Variants in ACACA observed in about 807,000 individuals in gnomAD.
ACACA encodes acetyl-CoA carboxylase alpha.
Under a neutral mutation model 296.1 loss-of-function variants are expected in ACACA, and 103 were observed. The ratio of observed to expected loss-of-function variants is 0.35; its 90% CI spans 0.30 to 0.41. The LOEUF (loss-of-function observed/expected upper bound fraction) is 0.41, where lower values mean the gene tolerates loss of function less well. Ranked by LOEUF, ACACA falls within the 10% of genes least tolerant of loss-of-function variation. The pLI is 1.00. For synonymous variants in ACACA, 953 were observed against 1,038.6 expected, an observed-to-expected ratio of 0.92 and a Z score of 1.58; for missense variants, 1,554 against 2,989.7, an observed-to-expected ratio of 0.52 and a Z score of 11.20.
At chr17:37,263,584 G>A (rs986783405) in intron 11 of ACACA, 101 bp downstream of exon 11, 6 of 1,018,200 alleles carry the variant, frequency 5.9e-6, no homozygotes, top group Non-Finnish European at 9.2e-6. Context: ...TAATTATTCA[G>A]AATCGTTGCT....
At chr17:37,362,398 T>TGAGA (rs2049436773) in intron 1 of ACACA, among the ~76,000 whole-genome samples, 1 of 152,176 alleles carries the variant, frequency 6.6e-6, no homozygotes, top group South Asian at 2.1e-4. Context: ...CAGAAAAGTA[T>TGAGA]GAGAGGTCCC....
intron 41 of ACACA, among the ~76,000 whole-genome samples, chr17:37,175,180 T>G (rs1484047057): frequency 6.6e-6 from 1 of 152,070 alleles, no homozygotes; most frequent in Non-Finnish European, 1.5e-5. Flanking sequence ...TAAAAAGAAA[T>G]AAAATAAAAG....
chr17:37,353,676 C>T (rs1490757089), intron 1 of ACACA, among the ~76,000 whole-genome samples: 3 of 131,392 alleles, frequency 2.3e-5, no homozygotes, highest in African/African-American at 8.2e-5. Context: ...GATAATTTTA[C>T]AGGAACTTCA....
Position 37,097,117 on chromosome 17 carries a change from C to T in ACACA, c.6770G>A (p.Arg2257Lys). Residue 2257 changes from arginine to lysine, a missense_variant, in exon 54 of 56, where the codon AGG (arginine) becomes AAG (lysine). Arg to Lys is a conservative substitution (Grantham distance 26, BLOSUM62 2). Around this residue, in one of 16 missense-constraint regions of ACACA, gnomAD observed 553 missense variants for 1,043.6 expected, o/e 0.53. Coordinates refer to ENST00000616317, the MANE Select transcript of ACACA (RefSeq NM_198834.3). The surrounding 1 kb of genome is among the most constrained non-coding windows in gnomAD (Gnocchi z 4.8). ...GACCAGGTCCTCCAGCAGAAGACGC[C>T]TCAGCCGCCAGTAGAAGAAGGTACG... ...TSRTFFYWRL[R>K]RLLLEDLVKK... 1 of 1,614,058 alleles carries T rather than the reference C, an allele frequency of 6.2e-7. No homozygotes were observed. The highest frequency in any genetic ancestry group is 8.5e-7 in the Non-Finnish European group (1 of 1,180,026).
intron 43 of ACACA, among the ~76,000 whole-genome samples, chr17:37,152,677 G>C (rs2076091469): frequency 1.3e-5 from 2 of 152,168 alleles, no homozygotes; most frequent in African/African-American, 4.8e-5. Context: ...GGAAATGGGA[G>C]ATGGGGAATG....
chr17:37,102,030 C>A (rs2073390247), intron 52 of ACACA, among the ~76,000 whole-genome samples: 1 of 151,906 alleles, frequency 6.6e-6, no homozygotes, highest in African/African-American at 2.4e-5. Context: ...CAGCTGTTAA[C>A]ACTGCTGCCA....
At position 37,253,672 on chromosome 17, in the gene ACACA, A is replaced by G. The variant is rs151063389; in HGVS notation, c.1827-636T>C. On this transcript the variant is annotated intron_variant, in intron 14 of 55. Coordinates refer to ENST00000616317, the MANE Select transcript of ACACA (RefSeq NM_198834.3). Reference sequence around the variant, plus strand: ...TGCAAGTCACCCTCAGCTTTTACTTACTAAGTTTCCATTATTCCATTCATT... The same window carrying G: ...TGCAAGTCACCCTCAGCTTTTACTTGCTAAGTTTCCATTATTCCATTCATT... Among the ~76,000 whole-genome samples the G allele has an allele frequency of 6.8e-3, 1,038 of 152,330 alleles. 11 individuals are homozygous for G. The highest frequency in any genetic ancestry group is 0.024 in the African/African-American group (990 of 41,564).
At chr17:37,320,454 T>C (rs2147113931) in intron 3 of ACACA, among the ~76,000 whole-genome samples, 1 of 148,500 alleles carries the variant, frequency 6.7e-6, no homozygotes, top group South Asian at 2.2e-4. Context: ...GAGGTTGCAG[T>C]GAGCCGAGAT....
chr17:37,300,742 G>A (rs1191681373), intron 3 of ACACA, among the ~76,000 whole-genome samples: 1 of 152,176 alleles, frequency 6.6e-6, no homozygotes, highest in Non-Finnish European at 1.5e-5. Context: ...AACTCAATCA[G>A]GCCACCCAAC....
At chr17:37,314,213 C>T (rs2046978695) in intron 3 of ACACA, among the ~76,000 whole-genome samples, 1 of 150,828 alleles carries the variant, frequency 6.6e-6, no homozygotes, top group African/African-American at 2.4e-5. Flanking sequence ...CACTATTCTG[C>T]CTCAGCCTCC....
chr17:37,398,057 C>T (rs534633600), intron 1 of ACACA, among the ~76,000 whole-genome samples: 2 of 151,882 alleles, frequency 1.3e-5, no homozygotes, highest in East Asian at 2.0e-4. Flanking sequence ...TGTGAAACCC[C>T]GTCTTTACTA....
At position 37,390,310 on chromosome 17, in the gene ACACA, A is replaced by AT. The variant is rs1380046957; in HGVS notation, c.38+15951dup. Among the ~76,000 whole-genome samples the AT allele has an allele frequency of 4.8e-4, 23 of 48,304 alleles. 7 individuals are homozygous for AT. The East Asian group carries it at 0.011, about 23-fold the overall frequency. 31.7% of individuals were successfully genotyped at this position (48,304 alleles called of 152,430 possible). A position where few individuals can be genotyped will look rare whatever the true frequency, so the allele number is the denominator to read the frequency against. ...AATTATATATTATACATAATTATAT[A>AT]TATATATATATATATATATATATAA... On this transcript the variant is annotated intron_variant, in intron 1 of 55. Transcript: ENST00000616317.
chr17:37,209,726 T>C (rs1427618429), intron 30 of ACACA, among the ~76,000 whole-genome samples: 2 of 152,230 alleles, frequency 1.3e-5, no homozygotes, highest in Non-Finnish European at 2.9e-5. Context: ...TGCAAAGACC[T>C]TGCCATCAAC....
intron 52 of ACACA, among the ~76,000 whole-genome samples, chr17:37,106,508 T>G (rs550378247): frequency 4.8e-4 from 73 of 152,280 alleles, no homozygotes; most frequent in African/African-American, 1.5e-3. Flanking sequence ...AGTGCTCTAC[T>G]GTTCATATTT....
At chr17:37,177,288 GT>G (rs2077155868) in intron 41 of ACACA, among the ~76,000 whole-genome samples, 3 of 151,824 alleles carry the variant, frequency 2.0e-5, no homozygotes, top group South Asian at 4.2e-4. Context: ...GTGTGTGTGT[GT>G]GTGTGTGTGT....
chr17:37,088,246 T>C (rs1338020658), intron 55 of ACACA, among the ~76,000 whole-genome samples: 1 of 152,202 alleles, frequency 6.6e-6, no homozygotes, highest in African/African-American at 2.4e-5. Context: ...ATGATGGTTA[T>C]GTAAAAGTAT....
intron 24 of ACACA, among the ~76,000 whole-genome samples, chr17:37,235,647 C>T (rs1487756649): frequency 1.3e-5 from 2 of 152,142 alleles, no homozygotes; most frequent in African/African-American, 4.8e-5. Context: ...AATAAAACCA[C>T]ACCAAACTTA....
intron 3 of ACACA, among the ~76,000 whole-genome samples, chr17:37,301,692 G>C (rs2083625194): frequency 6.6e-6 from 1 of 152,158 alleles, no homozygotes; most frequent in Non-Finnish European, 1.5e-5. Flanking sequence ...AATGCCACAT[G>C]GTCTTGATAA....
At chr17:37,248,474 G>T in intron 17 of ACACA, 119 bp downstream of exon 17, 1 of 832,550 alleles carries the variant, frequency 1.2e-6, no homozygotes, top group Non-Finnish European at 2.1e-6. Context: ...CAAAAATAAT[G>T]ACGGTAATTT....
Sources: allele counts gnomAD v4.1 joint callset (sites outside exome capture counted in the v4.1 genomes callset), GRCh38; gene constraint gnomAD v4.1.1; regional missense constraint gnomAD v4.1.1; non-coding constraint Gnocchi (gnomAD v3.1); transcripts MANE v1.5; gene names NCBI Gene and HGNC (gene_info 2026-07-23, HGNC 2026-07-21).